The following TRIM29 variants were observed in gnomAD, a reference collection of about 807,000 sequenced individuals.
TRIM29 encodes tripartite motif containing 29, also known as tripartite motif-containing protein 29.
Under a neutral mutation model 57.3 loss-of-function variants are expected in TRIM29, and 52 were observed. That is an observed-to-expected ratio of 0.91 (90% CI 0.73 to 1.14). The LOEUF (loss-of-function observed/expected upper bound fraction) is 1.14. Among genes scored for constraint, TRIM29 ranks in the 50% most tolerant of loss-of-function variants. The probability of loss-of-function intolerance (pLI) is 0.00; values close to 1 mark genes in which losing one functional copy is unlikely to be tolerated. For missense variants in TRIM29, 753 were observed against 774.6 expected (o/e 0.97, Z 0.33); for synonymous variants, 319 against 316.9 (o/e 1.01, Z -0.07).
At chr11:120,133,056 C>T (rs754946638) in intron 1 of TRIM29, among the ~76,000 whole-genome samples, 1 of 152,164 alleles carries the variant, frequency 6.6e-6, no homozygotes, top group Non-Finnish European at 1.5e-5. Flanking sequence ...GTGGGAACCT[C>T]CCCTTCCTGG....
At chr11:120,120,344 TACACACACACACACACACACACAC>T (rs71050727) in intron 6 of TRIM29, among the ~76,000 whole-genome samples, 9 of 138,146 alleles carry the variant, frequency 6.5e-5, no homozygotes, top group East Asian at 2.2e-4. Flanking sequence ...CCCACACATG[TACACACACACACACACACACACAC>T]ACACACACAC....
chr11:120,123,231 C>T (rs746299156), intron 4 of TRIM29, 176 bp from the exon 5 acceptor site: 2 of 702,344 alleles, frequency 2.8e-6, no homozygotes, highest in East Asian at 5.4e-5. Context: ...TCACTCGGTT[C>T]CTGAGCTCTT....
chr11:120,133,403 C>A (rs200980405), intron 1 of TRIM29, among the ~76,000 whole-genome samples: 17 of 152,236 alleles, frequency 1.1e-4, no homozygotes, highest in African/African-American at 4.1e-4. Context: ...ATGCTGGGCC[C>A]GGCACTGGCA....
At position 120,111,552 on chromosome 11, in the gene TRIM29, G is replaced by A. The variant is rs1051903987; in HGVS notation, c.*862C>T. 12 of 152,326 alleles carry A rather than the reference G, an allele frequency of 7.9e-5. No individual in the cohort carries two copies. Among genetic ancestry groups the A allele is most frequent in the Non-Finnish European group, 1.6e-4 (11 of 68,054 alleles). The allele number at this position is 152,326 out of a possible 1,614,324, so 9.4% of individuals were successfully genotyped here. On this transcript the variant is annotated 3_prime_UTR_variant, in exon 9 of 9. Transcript: ENST00000341846. ...GGGCAGTGTGTAAGGCACCTTTTGC[G>A]GTCAGCCCAGCCACACTCCATCGCC...
At chr11:120,135,051 C>T (rs1422368504) in intron 1 of TRIM29, among the ~76,000 whole-genome samples, 3 of 152,166 alleles carry the variant, frequency 2.0e-5, no homozygotes, top group Admixed American at 6.5e-5. Flanking sequence ...AGTCCCTCAG[C>T]GGCCCCCATG....
intron 1 of TRIM29, among the ~76,000 whole-genome samples, chr11:120,130,990 T>C (rs532618725): frequency 5.7e-4 from 87 of 152,208 alleles, no homozygotes; most frequent in Admixed American, 3.0e-3. Flanking sequence ...GTCAAGACAC[T>C]GGGCTGAATG....
chr11:120,134,239 G>T (rs1182988908), intron 1 of TRIM29, among the ~76,000 whole-genome samples: 1 of 152,120 alleles, frequency 6.6e-6, no homozygotes, highest in Non-Finnish European at 1.5e-5. Flanking sequence ...TTTTCTAACA[G>T]AGACTCTGCT....
intron 1 of TRIM29, among the ~76,000 whole-genome samples, chr11:120,131,150 A>G (rs1863714732): frequency 6.6e-6 from 1 of 152,116 alleles, no homozygotes; most frequent in Non-Finnish European, 1.5e-5. Context: ...GAGTGCCTGG[A>G]GTGAGCAGAA....
rs1333775697 is a variant in TRIM29, at chr11:120,112,090, C to T, written c.*324G>A. The T allele has an allele frequency of 4.3e-5, 15 of 348,656 alleles. No individual in the cohort carries two copies. The Admixed American group carries it at 6.5e-4, about 15-fold the overall frequency. The allele number at this position is 348,656 out of a possible 1,614,324, so 21.6% of individuals were successfully genotyped here. On this transcript the variant is annotated 3_prime_UTR_variant, in exon 9 of 9. Transcript: ENST00000341846. ...TACCATGCGGGTACTCACTGCTAGC[C>T]CCCAGATCCAGCCCGAGAGGAGGAG...
chr11:120,134,215 G>T (rs781217621), intron 1 of TRIM29, among the ~76,000 whole-genome samples: 1 of 152,080 alleles, frequency 6.6e-6, no homozygotes, highest in African/African-American at 2.4e-5. Flanking sequence ...TCATGTTGCC[G>T]CACCAAGCGA....
At chr11:120,117,664 A>C in intron 7 of TRIM29, 1 of 158,240 alleles carries the variant, frequency 6.3e-6, no homozygotes, top group Admixed American at 6.0e-5. Flanking sequence ...ACCCCAGGGG[A>C]CAGGAGGCGT....
At position 120,126,635 on chromosome 11, in the gene TRIM29, T is replaced by C. The variant is rs117153693; in HGVS notation, c.1134+701A>G. 6.3e-3 allele frequency among the ~76,000 whole-genome samples: 956 copies of C among 152,258 alleles called. 5 individuals carry two copies. Among genetic ancestry groups the C allele is most frequent in the Non-Finnish European group, 0.011 (750 of 68,018 alleles). The stretch of plus-strand genomic sequence containing the variant: ...TCCTCACCGAAGACTCTGTCCTCCC[T>C]CTCAAATCCTAACCGGCCTCCAAGA... On this transcript the variant is annotated intron_variant, in intron 3 of 8. Coordinates refer to ENST00000341846, the MANE Select transcript of TRIM29 (RefSeq NM_012101.4).
rs552469494 is a variant in TRIM29, at chr11:120,116,865, G to A, written c.1627+1358C>T. The A allele has an allele frequency of 1.3e-3, 374 of 291,956 alleles. 2 individuals carry two copies. Among genetic ancestry groups the A allele is most frequent in the African/African-American group, 7.2e-3 (322 of 44,638 alleles). The allele number at this position is 291,956 out of a possible 1,614,324, so 18.1% of individuals were successfully genotyped here. ...TCTCCAGGGAGCTCTGGGGAGAAGGGACCGGCACACCCTAGAAGTGGCAGA... is the reference window on the plus strand; with the variant it reads ...TCTCCAGGGAGCTCTGGGGAGAAGGAACCGGCACACCCTAGAAGTGGCAGA... On this transcript the variant is annotated intron_variant, in intron 7 of 8. Coordinates refer to ENST00000341846, the MANE Select transcript of TRIM29 (RefSeq NM_012101.4).
At chr11:120,123,494 C>T (rs1205842741) in intron 4 of TRIM29, 3 of 456,002 alleles carry the variant, frequency 6.6e-6, no homozygotes, top group Non-Finnish European at 1.3e-5. Context: ...TGAGCTCTGG[C>T]TCGCTACTTC....
Position 120,111,662 on chromosome 11 carries a change from G to A in TRIM29, c.*752C>T, listed in dbSNP as rs1211416607. On this transcript the variant is annotated 3_prime_UTR_variant, in exon 9 of 9. Coordinates refer to ENST00000341846, the MANE Select transcript of TRIM29 (RefSeq NM_012101.4). ...TGGGCCAGTAGCTATTTGCATGGGT[G>A]GATTATATCATGTTAAGGGAATTCT... The A allele has an allele frequency of 1.3e-5, 2 of 152,204 alleles. No homozygotes were observed. Among genetic ancestry groups the A allele is most frequent in the African/African-American group, 4.8e-5 (2 of 41,438 alleles). The allele number at this position is 152,204 out of a possible 1,614,324, so 9.4% of individuals were successfully genotyped here.
intron 8 of TRIM29, among the ~76,000 whole-genome samples, chr11:120,114,037 C>T (rs1863203675): frequency 1.3e-5 from 2 of 152,070 alleles, no homozygotes; most frequent in South Asian, 4.1e-4. Flanking sequence ...CATTTTTCCT[C>T]ATGCAAAGTC....
In TRIM29 at chr11:120,127,399, C is replaced by T. The variant is rs142021032; in HGVS notation, c.1071G>A (p.Leu357=). The part of the protein sequence containing the change: ...MDALDERAKV[L]HEDKQTREQL... ...GCTCCCGGGTCTGCTTGTCCTCATG[C>T]AGCACCTTGGCTCTCTCATCCAGAG... The change falls in exon 3 of 9, where the codon CTG becomes CTA. Residue 357 remains leucine, a synonymous_variant. Transcript: ENST00000341846. The T allele has an allele frequency of 1.1e-4, 184 of 1,614,174 alleles. No individual in the cohort carries two copies. The African/African-American group carries it at 2.2e-3, about 19-fold the overall frequency.
intron 1 of TRIM29, among the ~76,000 whole-genome samples, chr11:120,136,506 C>T (rs774810064): frequency 1.3e-5 from 2 of 152,346 alleles, no homozygotes; most frequent in Admixed American, 1.3e-4. Context: ...ACTTCCCCAA[C>T]GGTGTCCGCC....
chr11:120,115,372 G>A lies in TRIM29; in HGVS notation c.1670C>T (p.Pro557Leu). 2 of 1,613,906 alleles carry A rather than the reference G, an allele frequency of 1.2e-6. No homozygotes were observed. Among genetic ancestry groups the A allele is most frequent in the Non-Finnish European group, 1.7e-6 (2 of 1,179,964 alleles). Residue 557 changes from proline to leucine, a missense_variant, in exon 8 of 9, where the codon CCC becomes CTC. By Grantham distance (98) the Pro-to-Leu change is moderately conservative. Coordinates refer to ENST00000341846, the MANE Select transcript of TRIM29 (RefSeq NM_012101.4). ...CTGCTTGCCAGATTTCCAAGTCTGG[G>A]GCTGGGCCTTGGGGCTTTGGCTCCG... ...LMRSQSPKAQ[P>L]QTWKSGKQTM...
Sources: gnomAD v4.1 joint callset for allele counts (sites outside exome capture counted in the v4.1 genomes callset) on GRCh38, gnomAD v4.1.1 for gene constraint, MANE v1.5 for transcripts, NCBI Gene and HGNC (gene_info 2026-07-23, HGNC 2026-07-21) for gene names.